Variants in TRHDE observed in about 807,000 individuals in gnomAD.
The protein encoded by TRHDE is thyrotropin releasing hormone degrading enzyme, also known as thyrotropin-releasing hormone-degrading ectoenzyme.
In TRHDE, 72 loss-of-function variants were observed where a neutral mutation model predicts 125.7. That is an observed-to-expected ratio of 0.57 (90% confidence interval 0.47 to 0.70). TRHDE has a LOEUF of 0.70. Among genes scored for constraint, TRHDE ranks in the 30% least tolerant of loss-of-function variants. The probability of loss-of-function intolerance (pLI) is 0.00; values close to 1 mark genes in which losing one functional copy is unlikely to be tolerated. For synonymous variants in TRHDE, 509 were observed against 509.1 expected (o/e 1.00, Z 0.00); for missense variants, 1,110 against 1,327.1 (o/e 0.84, Z 2.54).
chr12:72,121,175 A>C (rs553271295), intron 2 of TRHDE, among the ~76,000 whole-genome samples: 1 of 152,130 alleles, frequency 6.6e-6, no homozygotes, highest in Non-Finnish European at 1.5e-5. Context: ...TTGTACCTTC[A>C]GATGATTTCT....
chr12:72,515,620 T>G (rs11179230), intron 6 of TRHDE, among the ~76,000 whole-genome samples: 36,382 of 151,820 alleles, frequency 0.24, 5,882 homozygotes, highest in East Asian at 0.48. Context: ...TAGTTTCTTT[T>G]GCTGTGCAGA....
intron 2 of TRHDE, among the ~76,000 whole-genome samples, chr12:72,133,185 T>C (rs1163265711): frequency 1.3e-5 from 2 of 152,130 alleles, no homozygotes; most frequent in Non-Finnish European, 2.9e-5. Flanking sequence ...AATTTAAAGA[T>C]GAATTAAAGA....
At chr12:72,618,618 T>A (rs1872915686) in intron 12 of TRHDE, among the ~76,000 whole-genome samples, 1 of 152,098 alleles carries the variant, frequency 6.6e-6, no homozygotes. Context: ...CTAGGCTCGG[T>A]TTTGCTTATG....
chr12:72,564,128 T>TC (rs1870316980), intron 9 of TRHDE, among the ~76,000 whole-genome samples: 1 of 152,172 alleles, frequency 6.6e-6, no homozygotes. Flanking sequence ...TATCTCTCTC[T>TC]CCATATACAG....
chr12:72,657,946 C>T (rs1874771896), intron 18 of TRHDE, among the ~76,000 whole-genome samples: 1 of 152,080 alleles, frequency 6.6e-6, no homozygotes, highest in Non-Finnish European at 1.5e-5. Context: ...AATGCTGTGC[C>T]CCACAGCTAA....
chr12:72,558,565 A>G (rs1004591288), intron 7 of TRHDE, among the ~76,000 whole-genome samples: 1 of 152,158 alleles, frequency 6.6e-6, no homozygotes, highest in African/African-American at 2.4e-5. Flanking sequence ...GCAGGGATTT[A>G]TGTGTGTATT....
chr12:72,102,892 A>G (rs902176262), intron 1 of TRHDE, among the ~76,000 whole-genome samples: 3 of 152,236 alleles, frequency 2.0e-5, no homozygotes, highest in African/African-American at 7.2e-5. Context: ...AGCAGCAGAG[A>G]ACCACCTGCT....
At chr12:72,196,235 A>G (rs1269243959) in intron 2 of TRHDE, among the ~76,000 whole-genome samples, 1 of 152,074 alleles carries the variant, frequency 6.6e-6, no homozygotes, top group African/African-American at 2.4e-5. Flanking sequence ...TATGAATTTT[A>G]GGATAGCTTT....
intron 2 of TRHDE, among the ~76,000 whole-genome samples, chr12:72,137,926 C>G (rs1317377401): frequency 1.3e-5 from 2 of 152,178 alleles, no homozygotes; most frequent in Admixed American, 1.3e-4. Flanking sequence ...ATAGTTTAAA[C>G]TAGAACAATA....
chr12:72,108,340 A>G (rs1277445235), intron 2 of TRHDE, among the ~76,000 whole-genome samples: 1 of 152,126 alleles, frequency 6.6e-6, no homozygotes, highest in Non-Finnish European at 1.5e-5. Context: ...CCCCTCATCC[A>G]GAATAGAAGA....
At chr12:72,505,506 G>C (rs190228304) in intron 6 of TRHDE, among the ~76,000 whole-genome samples, 1 of 152,028 alleles carries the variant, frequency 6.6e-6, no homozygotes. Context: ...AGGTGGAGAG[G>C]GTTGCTACAA....
At chr12:72,582,536 T>A in intron 12 of TRHDE, 1 of 985,434 alleles carries the variant, frequency 1.0e-6, no homozygotes, top group Non-Finnish European at 1.2e-6. Context: ...CATATGTTGA[T>A]CATTTTTTCA....
intron 7 of TRHDE, among the ~76,000 whole-genome samples, chr12:72,557,429 G>A (rs1288344022): frequency 2.0e-5 from 3 of 152,082 alleles, no homozygotes; most frequent in African/African-American, 7.2e-5. Context: ...AGTCATTCTA[G>A]GGTGGATGTT....
At chr12:72,130,705 A>G (rs1161073652) in intron 2 of TRHDE, among the ~76,000 whole-genome samples, 1 of 152,234 alleles carries the variant, frequency 6.6e-6, no homozygotes, top group African/African-American at 2.4e-5. Context: ...ACTAACAAGG[A>G]AAGTTCAAAA....
chr12:72,309,988 G>A (rs1170669516), intron 2 of TRHDE, among the ~76,000 whole-genome samples: 1 of 152,178 alleles, frequency 6.6e-6, no homozygotes, highest in South Asian at 2.1e-4. Context: ...TTTGTTGCTT[G>A]TTAATGCAAT....
At chr12:72,093,640 G>A (rs1198818519) in intron 1 of TRHDE, among the ~76,000 whole-genome samples, 2 of 151,878 alleles carry the variant, frequency 1.3e-5, no homozygotes, top group East Asian at 3.9e-4. Context: ...TTCTGTCGTT[G>A]TGTTCTTCAG....
At chr12:72,601,187 A>T (rs1565806070) in intron 12 of TRHDE, among the ~76,000 whole-genome samples, 1 of 152,110 alleles carries the variant, frequency 6.6e-6, no homozygotes, top group Non-Finnish European at 1.5e-5. Context: ...ACTGTCTGGG[A>T]TGACTTTGAT....
intron 2 of TRHDE, among the ~76,000 whole-genome samples, chr12:72,191,221 G>A (rs771833058): frequency 1.3e-5 from 2 of 151,862 alleles, no homozygotes; most frequent in African/African-American, 2.4e-5. Flanking sequence ...AGTGGAGATC[G>A]TGGCAGAAGT....
intron 15 of TRHDE, among the ~76,000 whole-genome samples, chr12:72,624,476 G>A (rs1873176563): frequency 6.6e-6 from 1 of 151,834 alleles, no homozygotes; most frequent in South Asian, 2.1e-4. Flanking sequence ...GCAAATTTGG[G>A]GGTGTTGTAC....
Sources: gnomAD v4.1 joint callset for allele counts (sites outside exome capture counted in the v4.1 genomes callset) on GRCh38, gnomAD v4.1.1 for gene constraint, MANE v1.5 for transcripts, NCBI Gene and HGNC (gene_info 2026-07-23, HGNC 2026-07-21) for gene names.